The following F8 variants were observed in gnomAD, a reference collection of about 807,000 sequenced individuals.
The protein encoded by F8 is coagulation factor VIII, also known as antihemophilic factor.
F8 carries 12 observed loss-of-function variants against 140.6 expected under a neutral mutation model. The observed-to-expected ratio is 0.09, with a 90% CI of 0.05 to 0.14. The LOEUF is 0.14. Among genes scored for constraint, F8 ranks in the 10% least tolerant of loss-of-function variants. The pLI, the probability that F8 is intolerant of heterozygous loss-of-function variation, is 1.00. For synonymous variants in F8, 585 were observed against 614.6 expected, an observed-to-expected ratio of 0.95 and a Z score of 0.71; for missense variants, 1,354 against 1,720.7, an observed-to-expected ratio of 0.79 and a Z score of 3.77.
Position 154,930,549 on chromosome X carries a change from T to G in F8, c.3241A>C (p.Asn1081His). Residue 1081 changes from asparagine to histidine, a missense_variant, in exon 14 of 26, where the codon AAT becomes CAT. Physicochemically the swap from Asn to His is moderately conservative, Grantham distance 68. This residue lies in a region of F8 where 658 missense variants were observed against 666.5 expected (regional missense o/e 0.99). Transcript: ENST00000360256. ...MDKNATALRL[N>H]HMSNKTTSSK... ...GAAGTAGTTTTATTTGACATATGAT[T>G]TAGCCTCAAAGCTGTAGCATTTTTG... 8.3e-7 allele frequency: 1 copy of G among 1,211,546 alleles called. No homozygotes were observed. Among genetic ancestry groups the G allele is most frequent in the South Asian group, 1.8e-5 (1 of 56,975 alleles).
At chrX:154,982,218 C>T (rs1202669801) in intron 6 of F8, among the ~76,000 whole-genome samples, 21 of 104,947 alleles carry the variant, frequency 2.0e-4, no homozygotes, top group African/African-American at 6.3e-4. Flanking sequence ...GAGGCCAAGG[C>T]GGGTGGATCA....
chrX:154,931,482 T>C lies in F8; in HGVS notation c.2308A>G (p.Thr770Ala). ...GTGGCATTAAATTGCTTTTGCCTAG[T>C]GCTAGGGTGTCTTGAATTCTGGGAG... The part of the protein sequence containing the change: ...SFSQNSRHPS[T>A]RQKQFNATTI... The change falls in exon 14 of 26, where the codon ACT becomes GCT. Residue 770 changes from threonine (T) to alanine (A), a missense_variant. Thr to Ala is a moderately conservative substitution (Grantham distance 58). Coordinates refer to ENST00000360256, the MANE Select transcript of F8 (RefSeq NM_000132.4). 2 of 1,211,820 alleles carry C rather than the reference T, an allele frequency of 1.7e-6. No individual in the cohort carries two copies. The highest frequency in any genetic ancestry group is 2.2e-6 in the Non-Finnish European group (2 of 895,279).
chrX:154,890,579 G>T (rs1282429737), intron 22 of F8, among the ~76,000 whole-genome samples: 2 of 111,902 alleles, frequency 1.8e-5, no homozygotes, highest in Non-Finnish European at 3.8e-5. Context: ...ACAAACACTT[G>T]CCAACTCTTG....
chrX:155,019,891 A>G (rs1185889821), intron 1 of F8, among the ~76,000 whole-genome samples: 1 of 112,074 alleles, frequency 8.9e-6, no homozygotes, highest in African/African-American at 3.2e-5. Flanking sequence ...CTTATTAACA[A>G]TAGCATCACA....
At chrX:154,989,006 T>G (rs2073573572) in intron 4 of F8, among the ~76,000 whole-genome samples, 1 of 111,941 alleles carries the variant, frequency 8.9e-6, no homozygotes, top group African/African-American at 3.3e-5. Context: ...CTGCTTCTGG[T>G]CCACAAATAT....
intron 25 of F8, among the ~76,000 whole-genome samples, chrX:154,855,406 T>C (rs1226298292): frequency 2.7e-5 from 3 of 111,437 alleles, no homozygotes; most frequent in Non-Finnish European, 5.7e-5. Flanking sequence ...AGAGCTGAGA[T>C]TGCTGAAAAT....
At chrX:154,966,822 C>T in intron 7 of F8, 135 bp from the exon 8 acceptor site, 1 of 792,856 alleles carries the variant, frequency 1.3e-6, no homozygotes, top group Non-Finnish European at 1.8e-6. Context: ...AAGCATGGTG[C>T]TGGCATCTGC....
intron 25 of F8, among the ~76,000 whole-genome samples, chrX:154,847,164 G>C (rs1396652083): frequency 8.9e-6 from 1 of 112,418 alleles, no homozygotes; most frequent in African/African-American, 3.2e-5. Flanking sequence ...CTGTTAGTCT[G>C]ATGGGCTTCC....
chrX:154,953,375 T>C (rs1286210873), intron 12 of F8, among the ~76,000 whole-genome samples: 1 of 111,667 alleles, frequency 9.0e-6, no homozygotes, highest in African/African-American at 3.3e-5. Flanking sequence ...GGAGAAACCA[T>C]GTGAAGACAA....
intron 5 of F8, among the ~76,000 whole-genome samples, chrX:154,985,701 C>T (rs1340962183): frequency 2.7e-5 from 3 of 112,212 alleles, no homozygotes; most frequent in South Asian, 3.7e-4. Flanking sequence ...TTCATTCATT[C>T]AAACACATAT....
At position 154,969,559 on chromosome X, in the gene F8, A is replaced by C. The variant is rs1557282388; in HGVS notation, c.788-7T>G. 1 of 1,184,971 alleles carries C rather than the reference A, an allele frequency of 8.4e-7. No homozygotes were observed. The highest frequency in any genetic ancestry group is 2.2e-5 in the Admixed American group (1 of 45,996). On this transcript the variant is annotated splice_region_variant and splice_polypyrimidine_tract_variant and intron_variant, in intron 6 of 25. Coordinates refer to ENST00000360256, the MANE Select transcript of F8 (RefSeq NM_000132.4). ...CTGTGGCATCCAATCAGACCTGTAA[A>C]GTAGGAATAAGACACCTATGGCTAT...
chrX:154,920,767 TG>T (rs2124032164), intron 14 of F8, among the ~76,000 whole-genome samples: 1 of 112,334 alleles, frequency 8.9e-6, no homozygotes, highest in Admixed American at 9.4e-5. Flanking sequence ...TTTATGTTTT[TG>T]ATGTGACAGT....
intron 18 of F8, among the ~76,000 whole-genome samples, chrX:154,902,568 TAA>T (rs1261750935): frequency 1.8e-5 from 2 of 111,001 alleles, no homozygotes. Context: ...CCTACAAGGG[TAA>T]AGTTACCCCA....
At chrX:154,885,164 C>CT in intron 22 of F8, 1 of 891,897 alleles carries the variant, frequency 1.1e-6, no homozygotes, top group Middle Eastern at 4.1e-4. Context: ...GGAGCGCAGT[C>CT]TACGGGAGGG....
intron 10 of F8, among the ~76,000 whole-genome samples, chrX:154,959,257 G>GC (rs2073382703): frequency 9.0e-6 from 1 of 110,795 alleles, no homozygotes; most frequent in African/African-American, 3.3e-5. Flanking sequence ...ATGGTAGTGT[G>GC]CGTCTGTGGT....
chrX:154,971,128 C>T (rs1569559884), intron 6 of F8, among the ~76,000 whole-genome samples: 1 of 110,657 alleles, frequency 9.0e-6, no homozygotes, highest in African/African-American at 3.3e-5. Context: ...CTATTAAGGC[C>T]CTCTATATAT....
intron 13 of F8, among the ~76,000 whole-genome samples, chrX:154,933,886 T>C (rs1308641077): frequency 8.9e-6 from 1 of 112,020 alleles, no homozygotes; most frequent in Non-Finnish European, 1.9e-5. Flanking sequence ...TAGAAAAGAA[T>C]AATTATAAGA....
At chrX:154,953,159 T>C (rs1195077195) in intron 12 of F8, among the ~76,000 whole-genome samples, 1 of 112,039 alleles carries the variant, frequency 8.9e-6, no homozygotes, top group East Asian at 2.8e-4. Context: ...TATACACATG[T>C]GTATGTATGC....
At chrX:154,972,810 G>A (rs1304646534) in intron 6 of F8, among the ~76,000 whole-genome samples, 1 of 104,302 alleles carries the variant, frequency 9.6e-6, no homozygotes, top group Non-Finnish European at 2.0e-5. Context: ...CCACCTCTGG[G>A]GTTCAAGTGA....
Sources: gnomAD v4.1 joint callset for allele counts (sites outside exome capture counted in the v4.1 genomes callset) on GRCh38, gnomAD v4.1.1 for gene constraint, gnomAD v4.1.1 regional missense constraint, MANE v1.5 for transcripts, NCBI Gene and HGNC (gene_info 2026-07-23, HGNC 2026-07-21) for gene names.